The following RALGAPB variants were observed in gnomAD, a reference collection of about 807,000 sequenced individuals.
RALGAPB encodes Ral GTPase activating protein non-catalytic subunit beta.
A neutral mutation model predicts 161.1 loss-of-function variants in RALGAPB; 25 were observed. That is an observed-to-expected ratio of 0.16 (90% CI 0.11 to 0.22). The LOEUF is 0.22. Among genes scored for constraint, RALGAPB ranks in the 10% least tolerant of loss-of-function variants. RALGAPB has a pLI of 1.00. For synonymous variants in RALGAPB, 629 were observed against 626.1 expected (o/e 1.00, Z -0.07); for missense variants, 1,391 against 1,815.2 (o/e 0.77, Z 4.25).
chr20:38,535,593 C>CTTTT (rs35132331), intron 16 of RALGAPB, among the ~76,000 whole-genome samples: 1 of 141,094 alleles, frequency 7.1e-6, no homozygotes, highest in Non-Finnish European at 1.6e-5. Context: ...CTGGCTACAC[C>CTTTT]TTTTTTTTTT....
At chr20:38,563,331 A>T in intron 24 of RALGAPB, among the ~76,000 whole-genome samples, 1 of 152,250 alleles carries the variant, frequency 6.6e-6, no homozygotes, top group East Asian at 1.9e-4. Context: ...CCTAACAAGC[A>T]TGTTTTGTCT....
chr20:38,554,255 G>GC (rs2087498512), intron 22 of RALGAPB, among the ~76,000 whole-genome samples, 179 bp downstream of exon 22: 1 of 151,786 alleles, frequency 6.6e-6, no homozygotes, highest in African/African-American at 2.4e-5. Context: ...TTGTGCTCCA[G>GC]GACAGGTCAC....
chr20:38,498,530 A>C lies in RALGAPB; in HGVS notation c.554-917A>C, dbSNP rs577191771. On this transcript the variant is annotated intron_variant, in intron 4 of 29. Transcript: ENST00000262879. ...AGTAATACTCTGTCTGGTATTGACA[A>C]TAGCTGGACAGTCATTGATTCATCA... is the stretch of plus-strand genomic sequence containing the variant. Among the ~76,000 whole-genome samples, 7 of 152,354 alleles carry C rather than the reference A, an allele frequency of 4.6e-5. No individual in the cohort carries two copies. The South Asian group carries it at 1.5e-3, about 32-fold the overall frequency.
chr20:38,477,005 G>A (rs192500281), intron 1 of RALGAPB, among the ~76,000 whole-genome samples: 6 of 152,262 alleles, frequency 3.9e-5, no homozygotes, highest in Admixed American at 2.0e-4. Flanking sequence ...GGAATACAAA[G>A]ATAAATAAGA....
chr20:38,577,154 C>A lies in RALGAPB; in HGVS notation c.*2187C>A, dbSNP rs1360165301. ...TACGGAGCCAGTGGAATATGGGATA[C>A]CCATACCTTACCAGGCGCTGGTTCC... On this transcript the variant is annotated 3_prime_UTR_variant, in exon 30 of 30. Coordinates refer to ENST00000262879, the MANE Select transcript of RALGAPB (RefSeq NM_020336.4). 1 of 152,136 alleles carries A rather than the reference C, an allele frequency of 6.6e-6. No individual in the cohort carries two copies. Among genetic ancestry groups the A allele is most frequent in the Non-Finnish European group, 1.5e-5 (1 of 68,026 alleles). The allele number at this position is 152,136 out of a possible 1,614,324, so 9.4% of individuals were successfully genotyped here.
chr20:38,504,769 A>T (rs950825124), intron 5 of RALGAPB, among the ~76,000 whole-genome samples: 6 of 152,132 alleles, frequency 3.9e-5, no homozygotes, highest in Non-Finnish European at 7.4e-5. Context: ...GGCAAAAGAC[A>T]TGAACAGACA....
chr20:38,527,437 T>C (rs1299905830), intron 13 of RALGAPB, among the ~76,000 whole-genome samples: 7 of 152,168 alleles, frequency 4.6e-5, no homozygotes, highest in African/African-American at 1.7e-4. Context: ...AAAAAGTTTT[T>C]TAGGGTTTCG....
intron 13 of RALGAPB, among the ~76,000 whole-genome samples, chr20:38,528,723 C>G (rs1475779193): frequency 6.6e-6 from 1 of 152,166 alleles, no homozygotes; most frequent in East Asian, 1.9e-4. Context: ...CTGTGTCACC[C>G]AGGCTAGAGG....
At chr20:38,539,666 T>C in intron 16 of RALGAPB, 110 bp from the exon 17 acceptor site, 1 of 951,228 alleles carries the variant, frequency 1.1e-6, no homozygotes, top group South Asian at 1.9e-5. Flanking sequence ...AAGCAAGGCT[T>C]CCTGTAGTGT....
At chr20:38,519,220 A>G (rs890133390) in intron 9 of RALGAPB, among the ~76,000 whole-genome samples, 1 of 152,194 alleles carries the variant, frequency 6.6e-6, no homozygotes, top group Non-Finnish European at 1.5e-5. Context: ...ACAATTTGAA[A>G]GTAGTGCTTC....
intron 4 of RALGAPB, among the ~76,000 whole-genome samples, chr20:38,498,344 A>C (rs1024136440): frequency 3.3e-5 from 5 of 152,230 alleles, no homozygotes; most frequent in Non-Finnish European, 5.9e-5. Context: ...TATATAAACT[A>C]TAAGTTGATC....
intron 3 of RALGAPB, among the ~76,000 whole-genome samples, chr20:38,493,960 A>G (rs937515715): frequency 6.6e-6 from 1 of 152,076 alleles, no homozygotes; most frequent in Non-Finnish European, 1.5e-5. Context: ...CCTCCTAAAG[A>G]TCTTTCCCAT....
At chr20:38,511,106 G>C (rs2123040882) in intron 6 of RALGAPB, among the ~76,000 whole-genome samples, 1 of 152,164 alleles carries the variant, frequency 6.6e-6, no homozygotes, top group African/African-American at 2.4e-5. Flanking sequence ...AATTTTGTGG[G>C]AGGGTTTTAT....
intron 2 of RALGAPB, among the ~76,000 whole-genome samples, chr20:38,490,653 T>G (rs1010598018): frequency 1.4e-5 from 2 of 147,508 alleles, no homozygotes; most frequent in Admixed American, 6.7e-5. Context: ...ATTACAGGCA[T>G]GCACCACCAT....
chr20:38,556,807 T>C (rs1051892256), intron 22 of RALGAPB, among the ~76,000 whole-genome samples: 3 of 152,220 alleles, frequency 2.0e-5, no homozygotes, highest in Non-Finnish European at 4.4e-5. Flanking sequence ...CACAGTTCCT[T>C]TTCCATGATT....
At chr20:38,482,823 C>T (rs938294394) in intron 1 of RALGAPB, among the ~76,000 whole-genome samples, 10 of 152,144 alleles carry the variant, frequency 6.6e-5, no homozygotes, top group East Asian at 1.9e-4. Flanking sequence ...ATGTTTCAAA[C>T]GGATTACATA....
chr20:38,505,686 A>G (rs1035298995), intron 5 of RALGAPB, among the ~76,000 whole-genome samples: 2 of 152,220 alleles, frequency 1.3e-5, no homozygotes, highest in Non-Finnish European at 2.9e-5. Context: ...ATCCTATTGC[A>G]TACTTAATCG....
chr20:38,535,680 C>T (rs1416340213), intron 16 of RALGAPB, among the ~76,000 whole-genome samples: 1 of 151,776 alleles, frequency 6.6e-6, no homozygotes, highest in African/African-American at 2.4e-5. Context: ...GCAGCCTCCG[C>T]TTCCAAGCAA....
At chr20:38,517,462 G>T in intron 7 of RALGAPB, 44 bp from the exon 8 acceptor site, 1 of 1,509,584 alleles carries the variant, frequency 6.6e-7, no homozygotes, top group South Asian at 1.3e-5. Context: ...CATATATTTT[G>T]ACCTATGAAG....
Sources: gnomAD v4.1 joint callset for allele counts (sites outside exome capture counted in the v4.1 genomes callset) on GRCh38, gnomAD v4.1.1 for gene constraint, MANE v1.5 for transcripts, NCBI Gene and HGNC (gene_info 2026-07-23, HGNC 2026-07-21) for gene names.